Variants in SPOCK1 observed in about 807,000 individuals in gnomAD.
SPOCK1 encodes testican-1.
SPOCK1 carries 23 observed loss-of-function variants against 55.3 expected under a neutral mutation model. The observed-to-expected ratio is 0.42, with a 90% confidence interval of 0.30 to 0.59. SPOCK1 has a LOEUF of 0.59. SPOCK1 is among the 20% of genes least tolerant of loss of function. The pLI, the probability that SPOCK1 is intolerant of heterozygous loss-of-function variation, is 0.22. For synonymous variants in SPOCK1, 226 were observed against 221.0 expected, an observed-to-expected ratio of 1.02 and a Z score of -0.20; for missense variants, 499 against 552.5, an observed-to-expected ratio of 0.90 and a Z score of 0.97.
At chr5:137,068,745 GT>G (rs1314453360) in intron 5 of SPOCK1, among the ~76,000 whole-genome samples, 2 of 152,222 alleles carry the variant, frequency 1.3e-5, no homozygotes, top group African/African-American at 4.8e-5. Flanking sequence ...ACAACACTGT[GT>G]ATATGGGGCT....
chr5:137,243,960 G>A (rs1289983630), intron 3 of SPOCK1, among the ~76,000 whole-genome samples: 3 of 152,186 alleles, frequency 2.0e-5, no homozygotes, highest in African/African-American at 7.2e-5. Context: ...TAAAAGCAAT[G>A]AGGATGAAAC....
rs1337489933 is a variant in SPOCK1, at chr5:137,112,438, G to A, written c.471C>T (p.Ser157=). ...VCGSDGHSYT[S]KCKLEFHACS... Reference sequence around the variant, plus strand: ...ATAAAAAGACAAGAAAACCAACCTTGGATGTGTAGGAGTGGCCATCTGAGC... The same window carrying A: ...ATAAAAAGACAAGAAAACCAACCTTAGATGTGTAGGAGTGGCCATCTGAGC... Residue 157 remains serine (S), a synonymous_variant, in exon 5 of 11, where the codon TCC becomes TCT. Coordinates refer to ENST00000394945, the MANE Select transcript of SPOCK1 (RefSeq NM_004598.4). 5 of 1,612,512 alleles carry A rather than the reference G, an allele frequency of 3.1e-6. No homozygotes were observed. The highest frequency in any genetic ancestry group is 4.2e-6 in the Non-Finnish European group (5 of 1,179,666).
chr5:137,424,858 T>C (rs921755134), intron 2 of SPOCK1, among the ~76,000 whole-genome samples: 2 of 152,202 alleles, frequency 1.3e-5, no homozygotes, highest in South Asian at 2.1e-4. Flanking sequence ...TGAGGAAAGT[T>C]TGGGTAATAA....
chr5:137,187,017 A>G (rs1337561386), intron 3 of SPOCK1, among the ~76,000 whole-genome samples: 1 of 152,134 alleles, frequency 6.6e-6, no homozygotes, highest in Non-Finnish European at 1.5e-5. Context: ...TGCCCCATCC[A>G]GTCCACGTCC....
At chr5:136,997,201 T>C (rs1199476675) in intron 6 of SPOCK1, among the ~76,000 whole-genome samples, 3 of 152,226 alleles carry the variant, frequency 2.0e-5, no homozygotes, top group Non-Finnish European at 4.4e-5. Context: ...TCATATCTGC[T>C]TCTTCCCATA....
intron 6 of SPOCK1, among the ~76,000 whole-genome samples, chr5:137,027,415 C>T (rs768509520): frequency 6.6e-6 from 1 of 152,236 alleles, no homozygotes; most frequent in Non-Finnish European, 1.5e-5. Context: ...AGCCAGTAAT[C>T]CCCTGCCCTG....
chr5:137,260,777 A>G (rs1443743539), intron 3 of SPOCK1, among the ~76,000 whole-genome samples: 1 of 152,218 alleles, frequency 6.6e-6, no homozygotes, highest in Non-Finnish European at 1.5e-5. Context: ...CTGAATTAGA[A>G]TGTTTAAAAA....
chr5:137,063,181 C>A (rs1221757018), intron 6 of SPOCK1, among the ~76,000 whole-genome samples: 1 of 146,026 alleles, frequency 6.8e-6, no homozygotes, highest in East Asian at 2.0e-4. Flanking sequence ...TGCAGTGAGC[C>A]GAGATTGCGC....
At chr5:136,984,655 G>A (rs971142167) in intron 9 of SPOCK1, among the ~76,000 whole-genome samples, 1 of 152,218 alleles carries the variant, frequency 6.6e-6, no homozygotes, top group South Asian at 2.1e-4. Flanking sequence ...CTTTCCTGGA[G>A]GGATTAGGTG....
chr5:137,319,907 T>TGCAGTCC, intron 2 of SPOCK1, among the ~76,000 whole-genome samples: 1 of 134,114 alleles, frequency 7.5e-6, no homozygotes, highest in Non-Finnish European at 1.5e-5. Flanking sequence ...ATTGCGCCAC[T>TGCAGTCC]GCAGTCCGCA....
intron 6 of SPOCK1, among the ~76,000 whole-genome samples, chr5:137,033,707 C>T (rs1751827270): frequency 6.6e-6 from 1 of 152,222 alleles, no homozygotes; most frequent in Non-Finnish European, 1.5e-5. Flanking sequence ...AACCACTCTT[C>T]TCTTTCATGG....
At chr5:137,207,176 C>G (rs1214876117) in intron 3 of SPOCK1, among the ~76,000 whole-genome samples, 3 of 152,210 alleles carry the variant, frequency 2.0e-5, no homozygotes, top group African/African-American at 7.2e-5. Flanking sequence ...CCCCGAGCAG[C>G]CTGTCTGATG....
intron 6 of SPOCK1, among the ~76,000 whole-genome samples, chr5:137,030,406 A>G (rs1285418613): frequency 1.3e-5 from 2 of 152,286 alleles, no homozygotes; most frequent in Non-Finnish European, 2.9e-5. Context: ...GAGCAGAGGT[A>G]TTAAACAAGG....
intron 3 of SPOCK1, among the ~76,000 whole-genome samples, chr5:137,245,609 A>T (rs762362265): frequency 6.6e-6 from 1 of 152,182 alleles, no homozygotes; most frequent in Non-Finnish European, 1.5e-5. Context: ...CCAGGCATGG[A>T]GGGCTTCCGC....
At position 137,319,951 on chromosome 5, in the gene SPOCK1, C is replaced by CA. The variant is rs55836854; in HGVS notation, c.187-52897dup. Among the ~76,000 whole-genome samples, 263 of 85,454 alleles carry CA rather than the reference C, an allele frequency of 3.1e-3. 1 individual carries two copies. Among genetic ancestry groups the CA allele is most frequent in the East Asian group, 8.3e-3 (25 of 3,002 alleles). The allele number at this position is 85,454 out of a possible 152,430, so 56.1% of individuals were successfully genotyped here. On this transcript the variant is annotated intron_variant, in intron 2 of 10. Coordinates refer to ENST00000394945, the MANE Select transcript of SPOCK1 (RefSeq NM_004598.4). ...TGGGCGACAGAGCGAGACTCCGTCT[C>CA]AAAAAAAAAAAAAAAAAAAAAACAA...
rs1413124001 is a variant in SPOCK1 at position 137,083,828 on chromosome 5, T to C, written c.475-15999A>G. Among the ~76,000 whole-genome samples, 4 of 152,148 alleles carry C rather than the reference T, an allele frequency of 2.6e-5. 1 individual carries two copies. In the East Asian group the frequency reaches 7.8e-4, roughly 30 times the overall value. On this transcript the variant is annotated intron_variant, in intron 5 of 10. Transcript: ENST00000394945. ...AGCTTGGGGAAGTTTGCCAGGCTCCTGTCCCTCCAGTGTGACAGGAGTGAG... is the reference window on the plus strand; with the variant it reads ...AGCTTGGGGAAGTTTGCCAGGCTCCCGTCCCTCCAGTGTGACAGGAGTGAG...
At chr5:137,370,158 C>A (rs779805920) in intron 2 of SPOCK1, among the ~76,000 whole-genome samples, 1 of 152,116 alleles carries the variant, frequency 6.6e-6, no homozygotes, top group African/African-American at 2.4e-5. Context: ...CAGGACCAAC[C>A]GATTCTGCAC....
chr5:137,376,866 T>C (rs1751330715), intron 2 of SPOCK1, among the ~76,000 whole-genome samples: 1 of 152,198 alleles, frequency 6.6e-6, no homozygotes, highest in Admixed American at 6.5e-5. Context: ...GGAAGGACCA[T>C]GGGTGACTTG....
rs1051854 is a variant in SPOCK1, at chr5:136,978,324, T to G, written c.*330A>C. 0.81 allele frequency: 260,996 copies of G among 322,622 alleles called. 109,397 individuals carry two copies. The highest frequency in any genetic ancestry group is 0.9 in the Middle Eastern group (1,057 of 1,178). 20.0% of individuals were successfully genotyped at this position (322,622 alleles called of 1,614,324 possible). A position where few individuals can be genotyped will look rare whatever the true frequency, so the allele number is the denominator to read the frequency against. On this transcript the variant is annotated 3_prime_UTR_variant, in exon 11 of 11. Coordinates refer to ENST00000394945, the MANE Select transcript of SPOCK1 (RefSeq NM_004598.4). Reference sequence around the variant, plus strand: ...AAGGGTCTTTGACATTTAAGAGGGTTGGGGCTCCCTGCACTGTCAGAATTC... The same window carrying G: ...AAGGGTCTTTGACATTTAAGAGGGTGGGGGCTCCCTGCACTGTCAGAATTC...
Sources: allele counts gnomAD v4.1 joint callset (sites outside exome capture counted in the v4.1 genomes callset), GRCh38; gene constraint gnomAD v4.1.1; transcripts MANE v1.5; gene names NCBI Gene and HGNC (gene_info 2026-07-23, HGNC 2026-07-21).